Variants in BPTF observed in about 807,000 individuals in gnomAD.
BPTF encodes bromodomain PHD finger transcription factor.
Under a neutral mutation model 292.5 loss-of-function variants are expected in BPTF, and 18 were observed. The observed-to-expected ratio is 0.06, with a 90% CI of 0.04 to 0.09. The LOEUF (loss-of-function observed/expected upper bound fraction) is 0.09, where lower values mean the gene tolerates loss of function less well. BPTF is among the 10% of genes least tolerant of loss of function. The pLI is 1.00. For missense variants in BPTF, 2,726 were observed against 3,498.7 expected (o/e 0.78, Z 5.57); for synonymous variants, 1,225 against 1,251.9 (o/e 0.98, Z 0.45).
At chr17:67,956,685 C>T (rs1555681214) in intron 23 of BPTF, 1 of 146,894 alleles carries the variant, frequency 6.8e-6, no homozygotes. Context: ...AAAAAACGGT[C>T]AGGCACAGTG....
intron 1 of BPTF, among the ~76,000 whole-genome samples, chr17:67,844,151 C>T (rs765097004): frequency 2.0e-5 from 3 of 148,094 alleles, no homozygotes; most frequent in Non-Finnish European, 4.5e-5. Flanking sequence ...ATGATCTCAG[C>T]TCACTGCAAC....
chr17:67,929,236 T>TA, intron 16 of BPTF, 100 bp from the exon 17 acceptor site: 1 of 1,529,062 alleles, frequency 6.5e-7, no homozygotes, highest in Non-Finnish European at 8.8e-7. Context: ...TAGCCCACTA[T>TA]AAAACCCTGC....
intron 26 of BPTF, among the ~76,000 whole-genome samples, chr17:67,969,173 G>T (rs960977111): frequency 1.3e-5 from 2 of 150,516 alleles, no homozygotes; most frequent in Non-Finnish European, 2.9e-5. Flanking sequence ...AAGGCCAGGC[G>T]CAGTGGCTCA....
At chr17:67,935,624 G>A (rs1356175675) in intron 18 of BPTF, among the ~76,000 whole-genome samples, 3 of 152,084 alleles carry the variant, frequency 2.0e-5, no homozygotes, top group Non-Finnish European at 2.9e-5. Flanking sequence ...AACTCAAAAG[G>A]AACTGTAGAT....
At chr17:67,899,538 T>C (rs981599384) in intron 7 of BPTF, among the ~76,000 whole-genome samples, 2 of 151,426 alleles carry the variant, frequency 1.3e-5, no homozygotes, top group Non-Finnish European at 2.9e-5. Flanking sequence ...TTTTTCTTTT[T>C]TTTTTTTTTT....
intron 19 of BPTF, among the ~76,000 whole-genome samples, chr17:67,943,341 A>G (rs1555672894): frequency 1.3e-5 from 2 of 152,148 alleles, no homozygotes; most frequent in African/African-American, 4.8e-5. Flanking sequence ...TTGCGCCATC[A>G]GTTTTGGTCA....
chr17:67,882,137 C>T (rs2060466823), intron 4 of BPTF, among the ~76,000 whole-genome samples: 1 of 152,012 alleles, frequency 6.6e-6, no homozygotes. Flanking sequence ...GCTGGCCGGA[C>T]TTCTTGCTTT....
chr17:67,863,027 G>A (rs950011327), intron 2 of BPTF, among the ~76,000 whole-genome samples: 4 of 151,944 alleles, frequency 2.6e-5, no homozygotes, highest in Non-Finnish European at 5.9e-5. Context: ...CCCACTTCCC[G>A]TACCAAAAGT....
At chr17:67,918,637 T>C in intron 11 of BPTF, 77 bp from the exon 12 acceptor site, 1 of 1,379,192 alleles carries the variant, frequency 7.3e-7, no homozygotes, top group Middle Eastern at 1.9e-4. Context: ...CCCTTCAGTT[T>C]AGTAGAGTGA....
chr17:67,944,178 T>C lies in BPTF; in HGVS notation c.6506T>C (p.Ile2169Thr). ...HGGNQGLTVV[I>T]QGQGQTTGQL... is the part of the protein sequence containing the mutation. ...GGCAATCAAGGTTTGACAGTAGTAA[T>C]TCAAGGACAAGGTCAAACTACTGGA... Residue 2169 changes from isoleucine (I) to threonine (T), a missense_variant, in exon 20 of 28, where the codon ATT (isoleucine) becomes ACT (threonine). Coordinates refer to ENST00000306378, the MANE Select transcript of BPTF (RefSeq NM_182641.4). 6.2e-7 allele frequency: 1 copy of C among 1,614,240 alleles called. No homozygotes were observed. Among genetic ancestry groups the C allele is most frequent in the Non-Finnish European group, 8.5e-7 (1 of 1,180,038 alleles).
chr17:67,951,363 A>T (rs2066340165), intron 23 of BPTF: 1 of 152,218 alleles, frequency 6.6e-6, no homozygotes, highest in Non-Finnish European at 1.5e-5. Flanking sequence ...ATGCTGGGAA[A>T]CAGGGAGGAA....
At chr17:67,871,441 C>CAA (rs751011017) in intron 3 of BPTF, among the ~76,000 whole-genome samples, 3,359 of 79,778 alleles carry the variant, frequency 0.042, 94 homozygotes, top group African/African-American at 0.068. Context: ...ACTTTGTCTC[C>CAA]AAAAAAAAAA....
rs190886891 is a variant in BPTF at position 67,953,042 on chromosome 17, G to A, written c.7926+4736G>A. ...GTGGCACGATCTCGGCTCACTGCAA[G>A]CTCCGTCTCCCCGGGTTCACGCCAG... On this transcript the variant is annotated intron_variant, in intron 23 of 27. Coordinates refer to ENST00000306378, the MANE Select transcript of BPTF (RefSeq NM_182641.4). 4.7e-4 allele frequency among the ~76,000 whole-genome samples: 70 copies of A among 149,358 alleles called. 1 individual carries two copies. Among genetic ancestry groups the A allele is most frequent in the African/African-American group, 1.7e-3 (69 of 40,528 alleles).
intron 26 of BPTF, among the ~76,000 whole-genome samples, chr17:67,969,047 A>G (rs1456836037): frequency 6.6e-6 from 1 of 151,410 alleles, no homozygotes; most frequent in African/African-American, 2.5e-5. Flanking sequence ...CATGCCTGTA[A>G]CCCCAGCACT....
At chr17:67,896,183 C>T (rs1217038043) in intron 7 of BPTF, among the ~76,000 whole-genome samples, 2 of 151,870 alleles carry the variant, frequency 1.3e-5, no homozygotes, top group African/African-American at 2.4e-5. Flanking sequence ...AGGATGGTCT[C>T]CATCTCCTGA....
chr17:67,902,434 C>T (rs1568018760), intron 7 of BPTF, among the ~76,000 whole-genome samples: 1 of 152,156 alleles, frequency 6.6e-6, no homozygotes, highest in South Asian at 2.1e-4. Context: ...GGTTATCCAC[C>T]GTATTGTGCC....
At chr17:67,872,959 T>C (rs2145689330) in intron 3 of BPTF, among the ~76,000 whole-genome samples, 1 of 151,890 alleles carries the variant, frequency 6.6e-6, no homozygotes, top group African/African-American at 2.4e-5. Context: ...TGGTGACACA[T>C]ACCTATAGTT....
intron 5 of BPTF, 186 bp from the exon 6 acceptor site, chr17:67,893,184 T>G: frequency 1.7e-6 from 1 of 597,572 alleles, no homozygotes; most frequent in South Asian, 2.1e-5. Flanking sequence ...AGGCATATCT[T>G]GGTTGTTTAA....
intron 21 of BPTF, 124 bp from the exon 22 acceptor site, chr17:67,947,602 G>A (rs782178056): frequency 1.5e-5 from 11 of 713,718 alleles, no homozygotes; most frequent in African/African-American, 3.6e-5. Context: ...TTTATGTTAC[G>A]ATATAAAATT....
Sources: gnomAD v4.1 joint callset for allele counts (sites outside exome capture counted in the v4.1 genomes callset) on GRCh38, gnomAD v4.1.1 for gene constraint, MANE v1.5 for transcripts, NCBI Gene and HGNC (gene_info 2026-07-23, HGNC 2026-07-21) for gene names.